Variants in HASPIN observed in about 807,000 individuals in gnomAD.
HASPIN encodes the protein histone H3 associated protein kinase.
HASPIN carries 24 observed loss-of-function variants against 28.8 expected under a neutral mutation model. The ratio of observed to expected loss-of-function variants is 0.83; its 90% confidence interval spans 0.60 to 1.17. The LOEUF is 1.17. Ranked by LOEUF, HASPIN falls within the 50% of genes most tolerant of loss-of-function variation. HASPIN has a pLI of 0.00. For missense variants in HASPIN, 1,016 were observed against 1,018.5 expected (o/e 1.00, Z 0.03); for synonymous variants, 440 against 413.1 (o/e 1.07, Z -0.79).
In HASPIN at chr17:3,724,729, A is replaced by G; in HGVS notation, c.794A>G (p.Asn265Ser). ...EDSEFRADGK[N>S]MRESCCKRKL... ...TCTGAGTTTCGGGCAGATGGGAAGA[A>G]TATGAGAGAGTCCTGCTGTAAAAGG... Residue 265 changes from asparagine (N) to serine (S), a missense_variant, in exon 1 of 1, where the codon AAT (asparagine) becomes AGT (serine). Physicochemically the swap from Asn to Ser is conservative, Grantham distance 46. This residue lies in a region of HASPIN where 881 missense variants were observed against 845.5 expected (regional missense o/e 1.04). Coordinates refer to ENST00000325418, the MANE Select transcript of HASPIN (RefSeq NM_031965.2). The G allele has an allele frequency of 6.8e-6, 11 of 1,614,222 alleles. No homozygotes were observed. Among genetic ancestry groups the G allele is most frequent in the Non-Finnish European group, 8.5e-6 (10 of 1,180,030 alleles).
rs780973695 is a variant in HASPIN at position 3,725,071 on chromosome 17, G to C, written c.1136G>C (p.Cys379Ser). The change falls in exon 1 of 1, where the codon TGC (cysteine) becomes TCC (serine). Residue 379 changes from cysteine to serine, a missense_variant. Cys to Ser is a moderately radical substitution (Grantham distance 112). This residue lies in a region of HASPIN where 881 missense variants were observed against 845.5 expected (regional missense o/e 1.04). Coordinates refer to ENST00000325418, the MANE Select transcript of HASPIN (RefSeq NM_031965.2). ...TQDLTPLQNVCFWTKTRASFS... is the reference protein window; with the variant it reads ...TQDLTPLQNVSFWTKTRASFS... Reference sequence around the variant, plus strand: ...GACCTGACTCCTTTACAGAATGTCTGCTTTTGGACCAAAACCAGGGCTTCC... The same window carrying C: ...GACCTGACTCCTTTACAGAATGTCTCCTTTTGGACCAAAACCAGGGCTTCC... The C allele has an allele frequency of 1.2e-5, 20 of 1,614,088 alleles. No individual in the cohort carries two copies. Among genetic ancestry groups the C allele is most frequent in the Middle Eastern group, 3.3e-4 (2 of 6,084 alleles).
chr17:3,724,057 G>A lies in HASPIN; in HGVS notation c.122G>A (p.Arg41Lys), dbSNP rs1374505743. 2 of 1,597,464 alleles carry A rather than the reference G, an allele frequency of 1.3e-6. No homozygotes were observed. Among genetic ancestry groups the A allele is most frequent in the Non-Finnish European group, 1.7e-6 (2 of 1,177,964 alleles). Reference sequence around the variant, plus strand: ...CAGTGGTTCCCGCCGCAGGACCGGAGGCGTTTCTTCAACAGCAGCGGCAGC... The same window carrying A: ...CAGTGGTTCCCGCCGCAGGACCGGAAGCGTTTCTTCAACAGCAGCGGCAGC... ...AAQWFPPQDR[R>K]RFFNSSGSSD... Residue 41 changes from arginine to lysine, a missense_variant, in exon 1 of 1, where the codon AGG becomes AAG. Coordinates refer to ENST00000325418, the MANE Select transcript of HASPIN (RefSeq NM_031965.2).
Position 3,724,598 on chromosome 17 carries a change from G to C in HASPIN, c.663G>C (p.Gln221His), listed in dbSNP as rs371461510. ...ACCGAGCATCTCTCCCCTGCTCCCAGGAGGAAGCGACAGGAGGAGCCAAGG... is the reference window on the plus strand; with the variant it reads ...ACCGAGCATCTCTCCCCTGCTCCCACGAGGAAGCGACAGGAGGAGCCAAGG... Reference protein sequence around the residue: ...SLDRASLPCSQEEATGGAKDT... With the variant: ...SLDRASLPCSHEEATGGAKDT... Residue 221 changes from glutamine to histidine, a missense_variant, in exon 1 of 1, where the codon CAG becomes CAC. Transcript: ENST00000325418. 4.3e-6 allele frequency: 7 copies of C among 1,614,210 alleles called. No individual in the cohort carries two copies. The highest frequency in any genetic ancestry group is 2.7e-5 in the African/African-American group (2 of 75,048).
rs1401764163 is a variant in HASPIN, at chr17:3,725,762, G to T, written c.1827G>T (p.Gly609=). The T allele has an allele frequency of 6.3e-7, 1 of 1,592,522 alleles. No homozygotes were observed. The highest frequency in any genetic ancestry group is 2.2e-5 in the East Asian group (1 of 44,610). Reference sequence around the variant, plus strand: ...TTGTGCTGGAATTTGAGTTTGGAGGGATTGACTTAGAGCAAATGCGAACCA... The same window carrying T: ...TTGTGCTGGAATTTGAGTTTGGAGGTATTGACTTAGAGCAAATGCGAACCA... ...LFIVLEFEFG[G]IDLEQMRTKL... Residue 609 remains glycine, a synonymous_variant, in exon 1 of 1, where the codon GGG becomes GGT. Transcript: ENST00000325418.
chr17:3,724,291 G>A lies in HASPIN; in HGVS notation c.356G>A (p.Arg119Gln), dbSNP rs1171143756. The A allele has an allele frequency of 6.6e-5, 105 of 1,587,020 alleles. No individual in the cohort carries two copies. The highest frequency in any genetic ancestry group is 8.1e-5 in the Non-Finnish European group (95 of 1,174,020). The change falls in exon 1 of 1, where the codon CGA becomes CAA. Residue 119 changes from arginine (R) to glutamine (Q), a missense_variant. Transcript: ENST00000325418. ...LTVTPRRLGL[R>Q]ARPPQKCSTP... is the part of the protein sequence containing the mutation. Reference sequence around the variant, plus strand: ...GTGACCCCAAGACGCCTGGGGCTGCGAGCTCGGCCCCCGCAGAAGTGCAGC... The same window carrying A: ...GTGACCCCAAGACGCCTGGGGCTGCAAGCTCGGCCCCCGCAGAAGTGCAGC...
At position 3,724,105 on chromosome 17, in the gene HASPIN, C is replaced by T. The variant is rs375269398; in HGVS notation, c.170C>T (p.Pro57Leu). ...SGSSDASIGDPSQSDDPDDPD... is the reference protein window; with the variant it reads ...SGSSDASIGDLSQSDDPDDPD... ...AGCAGCGACGCCAGCATCGGCGACCCCTCGCAGTCCGACGATCCTGACGAT... is the reference window on the plus strand; with the variant it reads ...AGCAGCGACGCCAGCATCGGCGACCTCTCGCAGTCCGACGATCCTGACGAT... The change falls in exon 1 of 1, where the codon CCC (proline) becomes CTC (leucine). Residue 57 changes from proline to leucine, a missense_variant. Around this residue, in one of 3 missense-constraint regions of HASPIN, gnomAD observed 881 missense variants for 845.5 expected, o/e 1.04. Transcript: ENST00000325418. The T allele has an allele frequency of 8.8e-6, 14 of 1,594,506 alleles. No individual in the cohort carries two copies. In the East Asian group the frequency reaches 1.1e-4, roughly 13 times the overall value.
Position 3,724,483 on chromosome 17 carries a change from G to C in HASPIN, c.548G>C (p.Arg183Thr). 2 of 1,613,970 alleles carry C rather than the reference G, an allele frequency of 1.2e-6. No individual in the cohort carries two copies. The highest frequency in any genetic ancestry group is 1.7e-6 in the Non-Finnish European group (2 of 1,180,034). Reference protein sequence around the residue: ...ASPCPGSPTPRDSVISIGTSA... With the variant: ...ASPCPGSPTPTDSVISIGTSA... ...CCCTGCCCCGGGTCCCCAACGCCAA[G>C]GGACAGTGTCATCTCGATCGGCACC... The change falls in exon 1 of 1, where the codon AGG (arginine) becomes ACG (threonine). Residue 183 changes from arginine (R) to threonine (T), a missense_variant. Physicochemically the swap from Arg to Thr is moderately conservative, Grantham distance 71. Transcript: ENST00000325418.
At position 3,725,331 on chromosome 17, in the gene HASPIN, G is replaced by A; in HGVS notation, c.1396G>A (p.Glu466Lys). The change falls in exon 1 of 1, where the codon GAA (glutamate) becomes AAA (lysine). Residue 466 changes from glutamate (E) to lysine (K), a missense_variant. By Grantham distance (56) the Glu-to-Lys change is moderately conservative (BLOSUM62 1). Coordinates refer to ENST00000325418, the MANE Select transcript of HASPIN (RefSeq NM_031965.2). ...KASDAEKVYG[E>K]CSQKGPVPFS... ...ATCTGATGCTGAAAAGGTTTATGGG[G>A]AATGCAGTCAGAAGGGTCCTGTCCC... 6.2e-7 allele frequency: 1 copy of A among 1,614,230 alleles called. No individual in the cohort carries two copies.
Position 3,723,924 on chromosome 17 carries a change from C to G in HASPIN, c.-12C>G, listed in dbSNP as rs986285929. On this transcript the variant is annotated 5_prime_UTR_variant, in exon 1 of 1. Coordinates refer to ENST00000325418, the MANE Select transcript of HASPIN (RefSeq NM_031965.2). Reference sequence around the variant, plus strand: ...CGATGTTTGCGTTTGAACCTCTTGGCGGGTGCCGGCCATGGCGGCTTCGCT... The same window carrying G: ...CGATGTTTGCGTTTGAACCTCTTGGGGGGTGCCGGCCATGGCGGCTTCGCT... 6.5e-7 allele frequency: 1 copy of G among 1,542,302 alleles called. No homozygotes were observed. The highest frequency in any genetic ancestry group is 1.4e-5 in the African/African-American group (1 of 72,018).
Position 3,724,936 on chromosome 17 carries a change from C to T in HASPIN, c.1001C>T (p.Thr334Ile), listed in dbSNP as rs935086372. The T allele has an allele frequency of 4.3e-6, 7 of 1,613,742 alleles. No individual in the cohort carries two copies. Among genetic ancestry groups the T allele is most frequent in the Non-Finnish European group, 5.9e-6 (7 of 1,179,860 alleles). ...VPRGIDRLER[T>I]RSSRKSKHQE... ...AGGGGAATAGACAGGCTGGAGAGAA[C>T]TAGATCAAGCCGGAAGAGCAAACAT... Residue 334 changes from threonine to isoleucine, a missense_variant, in exon 1 of 1, where the codon ACT becomes ATT. By Grantham distance (89) the Thr-to-Ile change is moderately conservative. Coordinates refer to ENST00000325418, the MANE Select transcript of HASPIN (RefSeq NM_031965.2).
chr17:3,725,542 T>A lies in HASPIN; in HGVS notation c.1607T>A (p.Ile536Asn). ...ACCTTTGAGGAAATCCTGCCAGAGA[T>A]CATCATCTCCAAAGAGTTGAGCCTC... ...QKTFEEILPEIIISKELSLLS... is the reference protein window; with the variant it reads ...QKTFEEILPENIISKELSLLS... Residue 536 changes from isoleucine (I) to asparagine (N), a missense_variant, in exon 1 of 1, where the codon ATC becomes AAC. Around this residue, in one of 3 missense-constraint regions of HASPIN, gnomAD observed 881 missense variants for 845.5 expected, o/e 1.04. Coordinates refer to ENST00000325418, the MANE Select transcript of HASPIN (RefSeq NM_031965.2). The A allele has an allele frequency of 1.2e-6, 2 of 1,614,210 alleles. No homozygotes were observed. Among genetic ancestry groups the A allele is most frequent in the Non-Finnish European group, 1.7e-6 (2 of 1,180,034 alleles).
At position 3,725,144 on chromosome 17, in the gene HASPIN, C is replaced by A. The variant is rs1368893851; in HGVS notation, c.1209C>A (p.Cys403Ter). 1 of 1,614,168 alleles carries A rather than the reference C, an allele frequency of 6.2e-7. No individual in the cohort carries two copies. The highest frequency in any genetic ancestry group is 1.3e-5 in the African/African-American group (1 of 75,046). Residue 403 changes from cysteine (C) to a stop codon, truncating the protein, a stop_gained, in exon 1 of 1, where the codon TGC (cysteine) becomes TGA (stop). Coordinates refer to ENST00000325418, the MANE Select transcript of HASPIN (RefSeq NM_031965.2). LOFTEE classifies it high-confidence loss of function. ...TTGTGACTGATGTGTCAGAGGTCTG[C>A]AGCATCTATACCACTGCCACTTCTC... Reference protein sequence around the residue: ...KKIVTDVSEVCSIYTTATSLS... With the variant: ...KKIVTDVSEV
Position 3,726,125 on chromosome 17 carries a change from C to G in HASPIN, c.2190C>G (p.Asn730Lys). ...DIYRLMKKEN[N>K]NRWGEYHPYS... is the part of the protein sequence containing the mutation. The stretch of plus-strand genomic sequence containing the variant: ...ACAGGCTCATGAAGAAGGAGAATAA[C>G]AACCGCTGGGGTGAATATCACCCTT... The change falls in exon 1 of 1, where the codon AAC becomes AAG. Residue 730 changes from asparagine (N) to lysine (K), a missense_variant. Asn to Lys is a moderately conservative substitution (Grantham distance 94). Coordinates refer to ENST00000325418, the MANE Select transcript of HASPIN (RefSeq NM_031965.2). 7 of 1,614,200 alleles carry G rather than the reference C, an allele frequency of 4.3e-6. No homozygotes were observed. Among genetic ancestry groups the G allele is most frequent in the Non-Finnish European group, 5.9e-6 (7 of 1,180,042 alleles).
At position 3,723,947 on chromosome 17, in the gene HASPIN, G is replaced by T. The variant is rs776415977; in HGVS notation, c.12G>T (p.Ser4=). 2.6e-6 allele frequency: 4 copies of T among 1,554,268 alleles called. No homozygotes were observed. The highest frequency in any genetic ancestry group is 3.5e-6 in the Non-Finnish European group (4 of 1,150,468). The change falls in exon 1 of 1, where the codon TCG becomes TCT. Residue 4 remains serine, a synonymous_variant. Transcript: ENST00000325418. Reference sequence around the variant, plus strand: ...GGCGGGTGCCGGCCATGGCGGCTTCGCTCCCGGGACCTGGGAGCCGGCTTT... The same window carrying T: ...GGCGGGTGCCGGCCATGGCGGCTTCTCTCCCGGGACCTGGGAGCCGGCTTT... MAA[S]LPGPGSRLFR... is the part of the protein sequence containing the mutation.
At position 3,725,586 on chromosome 17, in the gene HASPIN, A is replaced by C; in HGVS notation, c.1651A>C (p.Asn551His). ...ELSLLSGEVCNRTEGFIGLNS... is the reference protein window; with the variant it reads ...ELSLLSGEVCHRTEGFIGLNS... ...GAGCCTCTTATCCGGTGAAGTGTGC[A>C]ACCGCACAGAAGGCTTTATCGGGCT... The change falls in exon 1 of 1, where the codon AAC (asparagine) becomes CAC (histidine). Residue 551 changes from asparagine (N) to histidine (H), a missense_variant. Asn to His is a moderately conservative substitution (Grantham distance 68). This residue lies in a region of HASPIN where 881 missense variants were observed against 845.5 expected (regional missense o/e 1.04). Coordinates refer to ENST00000325418, the MANE Select transcript of HASPIN (RefSeq NM_031965.2). 6.2e-7 allele frequency: 1 copy of C among 1,614,222 alleles called. No homozygotes were observed. Among genetic ancestry groups the C allele is most frequent in the South Asian group, 1.1e-5 (1 of 91,072 alleles).
chr17:3,726,614 G>A lies in HASPIN; in HGVS notation c.*282G>A. 1 of 394,158 alleles carries A rather than the reference G, an allele frequency of 2.5e-6. No individual in the cohort carries two copies. The highest frequency in any genetic ancestry group is 4.5e-6 in the Non-Finnish European group (1 of 220,612). The allele number at this position is 394,158 out of a possible 1,614,324, so 24.4% of individuals were successfully genotyped here. On this transcript the variant is annotated 3_prime_UTR_variant, in exon 1 of 1. Transcript: ENST00000325418. Reference sequence around the variant, plus strand: ...AGGCTGAGGCAGGAGGATCGCTTGAGCCCAAGAGTTCATATCTAGCCTGGT... The same window carrying A: ...AGGCTGAGGCAGGAGGATCGCTTGAACCCAAGAGTTCATATCTAGCCTGGT...
chr17:3,724,101 G>A lies in HASPIN; in HGVS notation c.166G>A (p.Asp56Asn), dbSNP rs762390900. 2.5e-6 allele frequency: 4 copies of A among 1,594,412 alleles called. No individual in the cohort carries two copies. The highest frequency in any genetic ancestry group is 3.4e-6 in the Non-Finnish European group (4 of 1,177,520). ...SSGSSDASIG[D>N]PSQSDDPDDP... ...CGGCAGCAGCGACGCCAGCATCGGC[G>A]ACCCCTCGCAGTCCGACGATCCTGA... Residue 56 changes from aspartate (D) to asparagine (N), a missense_variant, in exon 1 of 1, where the codon GAC (aspartate) becomes AAC (asparagine). Asp to Asn is a conservative substitution (Grantham distance 23). Transcript: ENST00000325418.
At position 3,726,166 on chromosome 17, in the gene HASPIN, G is replaced by T; in HGVS notation, c.2231G>T (p.Trp744Leu). Residue 744 changes from tryptophan (W) to leucine (L), a missense_variant, in exon 1 of 1, where the codon TGG becomes TTG. Trp to Leu is a moderately conservative substitution (Grantham distance 61, BLOSUM62 -2). This residue lies in a region of HASPIN where 129 missense variants were observed against 156.2 expected (regional missense o/e 0.83). Transcript: ENST00000325418. ...TATCACCCTTATAGTAATGTGCTCT[G>T]GTTACATTACCTGACAGACAAGATG... ...GEYHPYSNVL[W>L]LHYLTDKMLK... The T allele has an allele frequency of 3.1e-6, 5 of 1,614,108 alleles. No homozygotes were observed. Among genetic ancestry groups the T allele is most frequent in the Non-Finnish European group, 4.2e-6 (5 of 1,180,018 alleles).
In HASPIN at chr17:3,723,976, G is replaced by T; in HGVS notation, c.41G>T (p.Arg14Leu). ...SLPGPGSRLF[R>L]TYGAADGRRQ... ...CCGGGACCTGGGAGCCGGCTTTTCCGCACATATGGGGCTGCGGACGGCAGG... is the reference window on the plus strand; with the variant it reads ...CCGGGACCTGGGAGCCGGCTTTTCCTCACATATGGGGCTGCGGACGGCAGG... Residue 14 changes from arginine to leucine, a missense_variant, in exon 1 of 1, where the codon CGC becomes CTC. Coordinates refer to ENST00000325418, the MANE Select transcript of HASPIN (RefSeq NM_031965.2). 2 of 1,577,964 alleles carry T rather than the reference G, an allele frequency of 1.3e-6. No individual in the cohort carries two copies. Among genetic ancestry groups the T allele is most frequent in the Non-Finnish European group, 1.7e-6 (2 of 1,162,698 alleles).
Sources: allele counts gnomAD v4.1 joint callset, GRCh38; gene constraint gnomAD v4.1.1; regional missense constraint gnomAD v4.1.1; transcripts MANE v1.5; gene names NCBI Gene and HGNC (gene_info 2026-07-23, HGNC 2026-07-21).